The following CAVIN1 variants were observed in gnomAD, a reference collection of about 807,000 sequenced individuals.
CAVIN1 encodes caveolae-associated protein 1.
Under a neutral mutation model 24.0 loss-of-function variants are expected in CAVIN1, and 16 were observed. The observed-to-expected ratio is 0.67, with a 90% CI of 0.45 to 1.01. The LOEUF (loss-of-function observed/expected upper bound fraction) is 1.01, where lower values mean the gene tolerates loss of function less well. Ranked by LOEUF, CAVIN1 falls within the 50% of genes least tolerant of loss-of-function variation. The probability of loss-of-function intolerance (pLI) is 0.00; values close to 1 mark genes in which losing one functional copy is unlikely to be tolerated. For synonymous variants in CAVIN1, 256 were observed against 256.4 expected, an observed-to-expected ratio of 1.00 and a Z score of 0.02; for missense variants, 510 against 551.7, an observed-to-expected ratio of 0.92 and a Z score of 0.76.
At position 42,404,820 on chromosome 17, in the gene CAVIN1, T is replaced by G. The variant is rs1259259564; in HGVS notation, c.1040A>C (p.Asp347Ala). 11 of 1,611,058 alleles carry G rather than the reference T, an allele frequency of 6.8e-6. No individual in the cohort carries two copies. The highest frequency in any genetic ancestry group is 9.3e-6 in the Non-Finnish European group (11 of 1,178,844). Residue 347 changes from aspartate (D) to alanine (A), a missense_variant, in exon 2 of 2, where the codon GAC (aspartate) becomes GCC (alanine). Asp to Ala is a moderately radical substitution (Grantham distance 126). Coordinates refer to ENST00000357037, the MANE Select transcript of CAVIN1 (RefSeq NM_012232.6). The part of the protein sequence containing the change: ...KATEMVEVGA[D>A]DDEGGAERGE... ...GCGCTCCGCGCCGCCCTCGTCGTCG[T>G]CGGCGCCCACCTCCACCATCTCGGT...
Position 42,423,230 on chromosome 17 carries a change from G to T in CAVIN1, c.-133C>A, listed in dbSNP as rs538472626. 4.1e-6 allele frequency: 3 copies of T among 726,090 alleles called. No individual in the cohort carries two copies. The highest frequency in any genetic ancestry group is 2.9e-5 in the Admixed American group (1 of 34,164). The allele number at this position is 726,090 out of a possible 1,614,324, so 45.0% of individuals were successfully genotyped here. The stretch of plus-strand genomic sequence containing the variant: ...AGCAGAGGAAACTCGAGCCACGTCC[G>T]TGCGCACCGGGACAGCGGCCAGAAC... On this transcript the variant is annotated 5_prime_UTR_variant, in exon 1 of 2. Coordinates refer to ENST00000357037, the MANE Select transcript of CAVIN1 (RefSeq NM_012232.6).
chr17:42,417,459 C>CA (rs61462482), intron 1 of CAVIN1, among the ~76,000 whole-genome samples: 16,994 of 131,160 alleles, frequency 0.13, 1,653 homozygotes, highest in African/African-American at 0.26. Context: ...AACTTGTCTC[C>CA]AAAAAAAAAA....
chr17:42,405,692 T>TTTTTG lies in CAVIN1; in HGVS notation c.472-305_472-304insCAAAA, dbSNP rs771753132. Among the ~76,000 whole-genome samples the TTTTTG allele has an allele frequency of 7.2e-3, 879 of 122,524 alleles. 7 individuals carry two copies. The highest frequency in any genetic ancestry group is 0.023 in the East Asian group (87 of 3,826). 80.4% of individuals were successfully genotyped at this position (122,524 alleles called of 152,430 possible). ...TCTCTCTCTCTCCTTGTTTTTTTTTTTTTTTTTTTTTTTAAACGGAGTCTC... is the reference window on the plus strand; with the variant it reads ...TCTCTCTCTCTCCTTGTTTTTTTTTTTTTTGTTTTTTTTTTTTTAAACGGAGTCTC... On this transcript the variant is annotated intron_variant, in intron 1 of 1. Coordinates refer to ENST00000357037, the MANE Select transcript of CAVIN1 (RefSeq NM_012232.6).
At chr17:42,419,883 G>A (rs1050284276) in intron 1 of CAVIN1, among the ~76,000 whole-genome samples, 4 of 44,852 alleles carry the variant, frequency 8.9e-5, no homozygotes, top group Non-Finnish European at 1.5e-4. Context: ...GCTGAATTTC[G>A]TGTGTGTGTG....
At chr17:42,409,285 C>T (rs2085462718) in intron 1 of CAVIN1, among the ~76,000 whole-genome samples, 2 of 151,698 alleles carry the variant, frequency 1.3e-5, no homozygotes, top group South Asian at 4.2e-4. Flanking sequence ...AGTTTTTGTA[C>T]AGGCAGAGTC....
intron 1 of CAVIN1, among the ~76,000 whole-genome samples, chr17:42,407,838 G>A (rs2085454566): frequency 6.6e-6 from 1 of 152,130 alleles, no homozygotes; most frequent in South Asian, 2.1e-4. Context: ...CTTGTTCTGA[G>A]TGTAGGAGAG....
chr17:42,410,755 T>C (rs2085470418), intron 1 of CAVIN1, among the ~76,000 whole-genome samples: 1 of 151,042 alleles, frequency 6.6e-6, no homozygotes, highest in South Asian at 2.1e-4. Context: ...CTACTAAAAA[T>C]ACAAAAATTA....
chr17:42,405,267 G>GC lies in CAVIN1; in HGVS notation c.592dup (p.Ala198GlyfsTer13). ...CGCCTCGTCCGACGAAAGCTCCAGCGCCGCTGCGTCCTCCTCGGGCCGCTC... is the reference window on the plus strand; with the variant it reads ...CGCCTCGTCCGACGAAAGCTCCAGCGCCCGCTGCGTCCTCCTCGGGCCGCTC... On this transcript the variant is annotated frameshift_variant, in exon 2 of 2. Coordinates refer to ENST00000357037, the MANE Select transcript of CAVIN1 (RefSeq NM_012232.6). LOFTEE classifies it high-confidence loss of function. 6.2e-7 allele frequency: 1 copy of GC among 1,613,248 alleles called. No individual in the cohort carries two copies. The highest frequency in any genetic ancestry group is 1.3e-5 in the African/African-American group (1 of 75,024).
chr17:42,420,989 C>T (rs1465981830), intron 1 of CAVIN1, among the ~76,000 whole-genome samples: 1 of 152,154 alleles, frequency 6.6e-6, no homozygotes, highest in African/African-American at 2.4e-5. Context: ...AAAAGCCCCC[C>T]TCTCATCCTG....
In CAVIN1 at chr17:42,422,945, G is replaced by A; in HGVS notation, c.153C>T (p.Gly51=). The change falls in exon 1 of 2, where the codon GGC becomes GGT. Residue 51 remains glycine, a synonymous_variant. Coordinates refer to ENST00000357037, the MANE Select transcript of CAVIN1 (RefSeq NM_012232.6). ...TGTCCAGGAGGCTCAGCACCAGCAC[G>A]CCGTTCACCTGGTCCGACTTGATCA... The part of the protein sequence containing the change: ...EELIKSDQVN[G]VLVLSLLDKI... 6.2e-7 allele frequency: 1 copy of A among 1,613,996 alleles called. No homozygotes were observed. Among genetic ancestry groups the A allele is most frequent in the Non-Finnish European group, 8.5e-7 (1 of 1,179,992 alleles).
intron 1 of CAVIN1, among the ~76,000 whole-genome samples, chr17:42,419,494 T>C (rs535072976): frequency 6.6e-6 from 1 of 151,804 alleles, no homozygotes; most frequent in Non-Finnish European, 1.5e-5. Context: ...TGTATTTTAG[T>C]AGAGAGGGGT....
At chr17:42,409,638 G>A (rs1341282745) in intron 1 of CAVIN1, among the ~76,000 whole-genome samples, 2 of 152,018 alleles carry the variant, frequency 1.3e-5, no homozygotes, top group Non-Finnish European at 2.9e-5. Flanking sequence ...TCCACTCCAG[G>A]CCAGGTTTCC....
chr17:42,420,557 T>C (rs2085539089), intron 1 of CAVIN1, among the ~76,000 whole-genome samples: 2 of 152,226 alleles, frequency 1.3e-5, no homozygotes, highest in Admixed American at 1.3e-4. Context: ...TCTTACTACC[T>C]CAACTCTCTG....
intron 1 of CAVIN1, among the ~76,000 whole-genome samples, chr17:42,418,091 A>G (rs78594996): frequency 0.24 from 37,233 of 152,104 alleles, 4,816 homozygotes; most frequent in South Asian, 0.41. Context: ...GCTGTATCAT[A>G]TAGCCTAGGT....
chr17:42,419,089 C>T (rs1288833980), intron 1 of CAVIN1, among the ~76,000 whole-genome samples: 3 of 151,852 alleles, frequency 2.0e-5, no homozygotes, highest in East Asian at 3.9e-4. Flanking sequence ...CCTAGCTACT[C>T]GGGAGGCTGA....
chr17:42,405,531 T>G lies in CAVIN1; in HGVS notation c.472-143A>C. 16 of 827,116 alleles carry G rather than the reference T, an allele frequency of 1.9e-5. No homozygotes were observed. The South Asian group carries it at 2.2e-4, about 12-fold the overall frequency. 51.2% of individuals were successfully genotyped at this position (827,116 alleles called of 1,614,324 possible). ...GAAACTGGCGGGCGCTCAATAAATG[T>G]GTGTAGGCTCACGCCTGTAATATTA... On this transcript the variant is annotated intron_variant, in intron 1 of 1. Coordinates refer to ENST00000357037, the MANE Select transcript of CAVIN1 (RefSeq NM_012232.6).
Position 42,405,405 on chromosome 17 carries a change from A to G in CAVIN1, c.472-17T>C, listed in dbSNP as rs1387609821. The G allele has an allele frequency of 3.7e-6, 6 of 1,601,648 alleles. No individual in the cohort carries two copies. The highest frequency in any genetic ancestry group is 2.7e-5 in the African/African-American group (2 of 74,914). On this transcript the variant is annotated splice_polypyrimidine_tract_variant and intron_variant, in intron 1 of 1. Coordinates refer to ENST00000357037, the MANE Select transcript of CAVIN1 (RefSeq NM_012232.6). ...CACTTCATCCTAAGGGAAGAGGAGA[A>G]GGGACATGAGAGGCGTCGGAGGAGG...
chr17:42,404,793 C>T lies in CAVIN1; in HGVS notation c.1067G>A (p.Gly356Glu). Residue 356 changes from glycine to glutamate, a missense_variant, in exon 2 of 2, where the codon GGG (glycine) becomes GAG (glutamate). Coordinates refer to ENST00000357037, the MANE Select transcript of CAVIN1 (RefSeq NM_012232.6). ...CCCGCGCCGCAGGTCGCCGGCCTCC[C>T]CGCGCTCCGCGCCGCCCTCGTCGTC... ...ADDDEGGAERGEAGDLRRGSS... is the reference protein window; with the variant it reads ...ADDDEGGAEREEAGDLRRGSS... 6.2e-7 allele frequency: 1 copy of T among 1,602,948 alleles called. No individual in the cohort carries two copies. Among genetic ancestry groups the T allele is most frequent in the Non-Finnish European group, 8.5e-7 (1 of 1,174,542 alleles).
chr17:42,417,050 G>A (rs1408478930), intron 1 of CAVIN1, among the ~76,000 whole-genome samples: 1 of 152,158 alleles, frequency 6.6e-6, no homozygotes, highest in Non-Finnish European at 1.5e-5. Context: ...TGGTCCATAT[G>A]TAGGTCACTG....
Sources: allele counts gnomAD v4.1 joint callset (sites outside exome capture counted in the v4.1 genomes callset), GRCh38; gene constraint gnomAD v4.1.1; transcripts MANE v1.5; gene names NCBI Gene and HGNC (gene_info 2026-07-23, HGNC 2026-07-21).